XNDC1N: variants seen among roughly 807,000 people sequenced by gnomAD.
The protein encoded by XNDC1N is protein XNDC1N.
the XNDC1N span, among the ~76,000 whole-genome samples, chr11:71,908,089 G>A: frequency 1.2e-4 from 18 of 152,114 alleles, no homozygotes; most frequent in African/African-American, 4.1e-4. Flanking sequence ...TGGACATTAC[G>A]AGCAATATAA....
the XNDC1N span, among the ~76,000 whole-genome samples, chr11:71,886,799 C>T: frequency 4.9e-4 from 74 of 152,144 alleles, no homozygotes; most frequent in African/African-American, 1.1e-3. Flanking sequence ...GTAAGGAAAA[C>T]GGCAAAGAGA....
At chr11:71,892,017 C>A in the XNDC1N span, among the ~76,000 whole-genome samples, 1 of 152,022 alleles carries the variant, frequency 6.6e-6, no homozygotes. Flanking sequence ...GTCATCCTCT[C>A]CTTCCCTGGA....
chr11:71,917,113 A>C, the XNDC1N span: 1 of 301,500 alleles, frequency 3.3e-6, no homozygotes, highest in Admixed American at 4.6e-5. Context: ...TCCCAGGTTC[A>C]AGCAATTCTG....
chr11:71,928,444 C>T, the XNDC1N span: 1 of 702,412 alleles, frequency 1.4e-6, no homozygotes, highest in East Asian at 2.7e-5. Context: ...ATTCGGCCTT[C>T]TGACCTTCGC....
chr11:71,881,833 T>C, the XNDC1N span, among the ~76,000 whole-genome samples: 1 of 151,610 alleles, frequency 6.6e-6, no homozygotes. Context: ...GAAAAAAGAA[T>C]TAAAAAGAAC....
chr11:71,911,909 G>A, the XNDC1N span, among the ~76,000 whole-genome samples: 1 of 152,120 alleles, frequency 6.6e-6, no homozygotes, highest in Non-Finnish European at 1.5e-5. Flanking sequence ...CCTGATCTTG[G>A]ACCTACTTCT....
chr11:71,895,149 G>C, the XNDC1N span, among the ~76,000 whole-genome samples: 1 of 151,528 alleles, frequency 6.6e-6, no homozygotes, highest in African/African-American at 2.4e-5. Flanking sequence ...ACCAGAGGTG[G>C]TTCCAATAAT....
chr11:71,921,886 C>A, the XNDC1N span, among the ~76,000 whole-genome samples: 186 of 152,268 alleles, frequency 1.2e-3, 1 homozygote, highest in Non-Finnish European at 2.3e-3. Flanking sequence ...AGCAGTTGGG[C>A]ATGGTGGCTC....
At chr11:71,906,522 A>T in the XNDC1N span, among the ~76,000 whole-genome samples, 4 of 152,110 alleles carry the variant, frequency 2.6e-5, no homozygotes, top group Admixed American at 6.5e-5. Flanking sequence ...ATCGGTAGTC[A>T]CATCTCTTTA....
At chr11:71,879,515 C>T in the XNDC1N span, among the ~76,000 whole-genome samples, 2 of 152,182 alleles carry the variant, frequency 1.3e-5, no homozygotes, top group Admixed American at 6.5e-5. Context: ...AAGATTCCCT[C>T]ATTTATATAA....
chr11:71,872,881 G>T, the XNDC1N span, among the ~76,000 whole-genome samples: 1 of 152,140 alleles, frequency 6.6e-6, no homozygotes, highest in East Asian at 1.9e-4. Context: ...TTCCCTGAAA[G>T]TGTCCATTTC....
At chr11:71,885,632 C>T in the XNDC1N span, among the ~76,000 whole-genome samples, 1 of 152,020 alleles carries the variant, frequency 6.6e-6, no homozygotes, top group African/African-American at 2.4e-5. Flanking sequence ...ACATTAGGAG[C>T]AATATCACAG....
the XNDC1N span, among the ~76,000 whole-genome samples, chr11:71,867,453 T>A: frequency 0.19 from 28,585 of 152,066 alleles, 4,912 homozygotes; most frequent in African/African-American, 0.45. Flanking sequence ...CCAGTCATAG[T>A]CCTGGCCATG....
the XNDC1N span, among the ~76,000 whole-genome samples, chr11:71,890,088 C>T: frequency 6.6e-6 from 1 of 152,080 alleles, no homozygotes; most frequent in Non-Finnish European, 1.5e-5. Context: ...ATCGGACTAT[C>T]AAAAATAGTA....
the XNDC1N span, among the ~76,000 whole-genome samples, chr11:71,909,571 C>T: frequency 1.3e-5 from 2 of 152,202 alleles, no homozygotes; most frequent in African/African-American, 4.8e-5. Context: ...TCCCAAAGAG[C>T]CTCTGGTCAG....
the XNDC1N span, among the ~76,000 whole-genome samples, chr11:71,897,682 T>A: frequency 3.9e-5 from 6 of 152,102 alleles, no homozygotes; most frequent in Admixed American, 1.3e-4. Flanking sequence ...AACAGAATGA[T>A]CAGATGTTCC....
the XNDC1N span, chr11:71,878,335 T>G: frequency 9.8e-7 from 1 of 1,021,760 alleles, no homozygotes. Flanking sequence ...GAAATGTTAT[T>G]GCTCCTGAAA....
chr11:71,887,542 G>A, the XNDC1N span, among the ~76,000 whole-genome samples: 1 of 151,488 alleles, frequency 6.6e-6, no homozygotes. Flanking sequence ...AAGAGTATGG[G>A]CAGAAGACAA....
chr11:71,926,150 G>A, the XNDC1N span: 1 of 152,088 alleles, frequency 6.6e-6, no homozygotes, highest in African/African-American at 2.4e-5. Context: ...TGTGCCTGGA[G>A]TCCAAGCTAC....
Sources: allele counts gnomAD v4.1 joint callset (sites outside exome capture counted in the v4.1 genomes callset), GRCh38; gene constraint gnomAD v4.1.1; transcripts MANE v1.5; gene names NCBI Gene and HGNC (gene_info 2026-07-23, HGNC 2026-07-21).